PHTF2: variants seen among roughly 807,000 people sequenced by gnomAD.
PHTF2 encodes the protein putative homeodomain transcription factor 2, also known as protein PHTF2.
Under a neutral mutation model 101.2 loss-of-function variants are expected in PHTF2, and 60 were observed. The ratio of observed to expected loss-of-function variants is 0.59; its 90% CI spans 0.48 to 0.73. PHTF2 has a LOEUF of 0.73. PHTF2 is among the 30% of genes least tolerant of loss of function. PHTF2 has a pLI of 0.00. For missense variants in PHTF2, 747 were observed against 908.7 expected, an observed-to-expected ratio of 0.82 and a Z score of 2.29; for synonymous variants, 311 against 307.3, an observed-to-expected ratio of 1.01 and a Z score of -0.13.
At chr7:77,838,333 A>G (rs1795624413) in intron 1 of PHTF2, among the ~76,000 whole-genome samples, 1 of 152,232 alleles carries the variant, frequency 6.6e-6, no homozygotes, top group South Asian at 2.1e-4. Context: ...AATTAAGTGG[A>G]GGTGAACTTT....
chr7:77,910,410 GT>G lies in PHTF2; in HGVS notation c.776+4del. Reference sequence around the variant, plus strand: ...GGCATGCTGCTTTCTTTTTATCAGGGTTTGTATTTATTTAAGGTTTTATATG... The same window carrying G: ...GGCATGCTGCTTTCTTTTTATCAGGGTTGTATTTATTTAAGGTTTTATATG... On this transcript the variant is annotated splice_donor_variant, in intron 9 of 19. Coordinates refer to ENST00000416283, the Ensembl canonical transcript of PHTF2. LOFTEE classifies it high-confidence loss of function. The G allele has an allele frequency of 6.2e-7, 1 of 1,610,194 alleles. No homozygotes were observed. Among genetic ancestry groups the G allele is most frequent in the Non-Finnish European group, 8.5e-7 (1 of 1,178,058 alleles).
chr7:77,841,291 G>A (rs1795865032), intron 2 of PHTF2, among the ~76,000 whole-genome samples: 2 of 151,698 alleles, frequency 1.3e-5, no homozygotes, highest in Admixed American at 1.3e-4. Context: ...TGTTGGTCAG[G>A]CTGATCTTGA....
intron 7 of PHTF2, 22 bp from the exon 7 acceptor site, chr7:77,908,771 T>C (rs773757563): frequency 1.4e-6 from 2 of 1,480,512 alleles, no homozygotes; most frequent in Non-Finnish European, 1.8e-6. Context: ...TAATTAAGCA[T>C]ATTTTCTTTC....
chr7:77,924,399 ACTT>A (rs974375030), intron 11 of PHTF2, among the ~76,000 whole-genome samples: 1 of 152,152 alleles, frequency 6.6e-6, no homozygotes, highest in African/African-American at 2.4e-5. Flanking sequence ...AAACAAAACA[ACTT>A]CTTGAAGAAG....
At chr7:77,825,913 C>T (rs1322820185) in intron 1 of PHTF2, among the ~76,000 whole-genome samples, 2 of 151,874 alleles carry the variant, frequency 1.3e-5, no homozygotes, top group Admixed American at 1.3e-4. Flanking sequence ...GCTGATATCC[C>T]TAAAATAGAG....
intron 11 of PHTF2, 161 bp downstream of exon 10, chr7:77,922,939 G>T (rs1331398173): frequency 7.4e-7 from 1 of 1,359,860 alleles, no homozygotes; most frequent in African/African-American, 1.5e-5. Context: ...GCAGTTTTAG[G>T]TTTACGTATT....
intron 16 of PHTF2, among the ~76,000 whole-genome samples, chr7:77,948,904 G>C (rs1806303630): frequency 6.6e-6 from 1 of 152,156 alleles, no homozygotes; most frequent in South Asian, 2.1e-4. Context: ...TAATATCCAA[G>C]AACCCAGTGA....
chr7:77,949,150 A>G (rs1368914712), intron 16 of PHTF2, among the ~76,000 whole-genome samples: 2 of 152,210 alleles, frequency 1.3e-5, no homozygotes, highest in African/African-American at 2.4e-5. Context: ...ATCTATCATC[A>G]TGAATCAACC....
rs57283892 is a variant in PHTF2, at chr7:77,841,075, C to CTTT, written c.45+793_45+795dup. Among the ~76,000 whole-genome samples the CTTT allele has an allele frequency of 2.5e-4, 19 of 77,264 alleles. 2 individuals carry two copies. The highest frequency in any genetic ancestry group is 5.4e-4 in the African/African-American group (8 of 14,900). The allele number at this position is 77,264 out of a possible 152,430, so 50.7% of individuals were successfully genotyped here. ...TTTCTTATATAGGAGAAAAAACAGACTTTTTTTTTTTTTTTTTTTTGAGAT... is the reference window on the plus strand; with the variant it reads ...TTTCTTATATAGGAGAAAAAACAGACTTTTTTTTTTTTTTTTTTTTTTTGAGAT... On this transcript the variant is annotated intron_variant, in intron 2 of 19. Coordinates refer to ENST00000416283, the Ensembl canonical transcript of PHTF2.
At chr7:77,817,883 G>T (rs2150508264) in intron 1 of PHTF2, among the ~76,000 whole-genome samples, 1 of 152,226 alleles carries the variant, frequency 6.6e-6, no homozygotes, top group South Asian at 2.1e-4. Flanking sequence ...GCCAAGGTGG[G>T]TGGATCACGA....
chr7:77,805,896 T>G (rs2150470012), intron 1 of PHTF2, among the ~76,000 whole-genome samples: 1 of 152,340 alleles, frequency 6.6e-6, no homozygotes, highest in Middle Eastern at 3.4e-3. Flanking sequence ...CAAACAAGGT[T>G]GGGTGGAGTG....
At chr7:77,906,910 G>GA (rs35840004) in intron 7 of PHTF2, among the ~76,000 whole-genome samples, 1 of 56,192 alleles carries the variant, frequency 1.8e-5, no homozygotes, top group Non-Finnish European at 3.5e-5. Context: ...TCCGTCTCAA[G>GA]AAAAATTAAG....
intron 3 of PHTF2, among the ~76,000 whole-genome samples, chr7:77,868,910 T>C (rs967179260): frequency 6.6e-6 from 1 of 152,208 alleles, no homozygotes; most frequent in Non-Finnish European, 1.5e-5. Context: ...AAAATAAATA[T>C]TCCCTTTCAT....
chr7:77,947,331 G>A (rs145123395), intron 16 of PHTF2, among the ~76,000 whole-genome samples: 1,788 of 152,238 alleles, frequency 0.012, 22 homozygotes, highest in Non-Finnish European at 0.019. Context: ...GGAGGCCTAC[G>A]TGGGCGGATC....
At chr7:77,934,173 A>G (rs981226179) in intron 12 of PHTF2, among the ~76,000 whole-genome samples, 2 of 152,146 alleles carry the variant, frequency 1.3e-5, no homozygotes, top group Non-Finnish European at 2.9e-5. Flanking sequence ...TCTGTCTGCT[A>G]TACAGATGGA....
chr7:77,837,159 A>G (rs981748524), intron 1 of PHTF2, among the ~76,000 whole-genome samples: 2 of 152,184 alleles, frequency 1.3e-5, no homozygotes, highest in African/African-American at 4.8e-5. Flanking sequence ...CTTGTATCAG[A>G]TCAGTTGATC....
chr7:77,850,045 A>G (rs959124180), intron 2 of PHTF2, among the ~76,000 whole-genome samples: 1 of 151,976 alleles, frequency 6.6e-6, no homozygotes, highest in Non-Finnish European at 1.5e-5. Context: ...GCCGTGTTGA[A>G]TAACATTGGT....
At chr7:77,911,795 T>C (rs934989452) in intron 9 of PHTF2, among the ~76,000 whole-genome samples, 5 of 152,228 alleles carry the variant, frequency 3.3e-5, no homozygotes, top group Non-Finnish European at 7.3e-5. Flanking sequence ...ACAATATGTT[T>C]TGTTTTCGTT....
chr7:77,953,166 A>G (rs112195370), intron 18 of PHTF2, among the ~76,000 whole-genome samples: 6 of 152,274 alleles, frequency 3.9e-5, no homozygotes, highest in African/African-American at 9.6e-5. Flanking sequence ...ACCTTCCTCT[A>G]TGGCCCCATT....
Sources: allele counts gnomAD v4.1 joint callset (sites outside exome capture counted in the v4.1 genomes callset), GRCh38; gene constraint gnomAD v4.1.1; transcripts MANE v1.5; gene names NCBI Gene and HGNC (gene_info 2026-07-23, HGNC 2026-07-21).